CCSER1: variants seen among roughly 807,000 people sequenced by gnomAD.
The protein encoded by CCSER1 is coiled-coil serine rich protein 1.
In CCSER1, 41 loss-of-function variants were observed where a neutral mutation model predicts 82.0. The ratio of observed to expected loss-of-function variants is 0.50; its 90% CI spans 0.39 to 0.65. The LOEUF is 0.65. CCSER1 is among the 30% of genes least tolerant of loss of function. The pLI is 0.00. For missense variants in CCSER1, 1,119 were observed against 1,064.2 expected, an observed-to-expected ratio of 1.05 and a Z score of -0.72; for synonymous variants, 414 against 383.9, an observed-to-expected ratio of 1.08 and a Z score of -0.92.
intron 1 of CCSER1, among the ~76,000 whole-genome samples, chr4:90,296,052 G>A (rs1183708526): frequency 6.6e-6 from 1 of 151,906 alleles, no homozygotes; most frequent in African/African-American, 2.4e-5. Flanking sequence ...TTTAAGATGT[G>A]TGCTATCCTC....
intron 5 of CCSER1, among the ~76,000 whole-genome samples, chr4:90,578,305 A>G (rs1324497768): frequency 6.6e-6 from 1 of 152,160 alleles, no homozygotes; most frequent in Admixed American, 6.6e-5. Context: ...GAAGTCAGCA[A>G]GACCACTTTT....
chr4:90,156,725 G>C (rs532130366), intron 1 of CCSER1, among the ~76,000 whole-genome samples: 73 of 152,058 alleles, frequency 4.8e-4, no homozygotes, highest in Admixed American at 1.2e-3. Context: ...CCATTTGCTT[G>C]GTAGATCTTC....
At chr4:90,868,784 G>C (rs1310190323) in intron 8 of CCSER1, among the ~76,000 whole-genome samples, 1 of 152,096 alleles carries the variant, frequency 6.6e-6, no homozygotes. Flanking sequence ...CCTCCAAACT[G>C]TTCTTCAAAG....
chr4:91,166,116 A>T (rs979454925), intron 10 of CCSER1, among the ~76,000 whole-genome samples: 1 of 152,254 alleles, frequency 6.6e-6, no homozygotes, highest in African/African-American at 2.4e-5. Flanking sequence ...TTACAGTTTT[A>T]TGAGTTACAT....
chr4:90,664,361 A>C (rs551365557), intron 6 of CCSER1, among the ~76,000 whole-genome samples: 2 of 152,134 alleles, frequency 1.3e-5, no homozygotes, highest in Non-Finnish European at 2.9e-5. Context: ...TTAAATTTTA[A>C]TTTGTTAATG....
At chr4:91,029,654 C>T (rs1740799462) in intron 9 of CCSER1, among the ~76,000 whole-genome samples, 1 of 152,048 alleles carries the variant, frequency 6.6e-6, no homozygotes, top group Non-Finnish European at 1.5e-5. Flanking sequence ...TAGAACATCC[C>T]AGCCTGCTCC....
chr4:90,180,739 G>A (rs1578358659), intron 1 of CCSER1, among the ~76,000 whole-genome samples: 1 of 152,032 alleles, frequency 6.6e-6, no homozygotes, highest in Non-Finnish European at 1.5e-5. Flanking sequence ...TTATGAATAA[G>A]TATCACTCCT....
At chr4:91,573,096 T>C (rs991797024) in intron 10 of CCSER1, among the ~76,000 whole-genome samples, 6 of 152,158 alleles carry the variant, frequency 3.9e-5, no homozygotes, top group Non-Finnish European at 8.8e-5. Flanking sequence ...CCTCTTAAAG[T>C]GGCAGTCTGA....
chr4:91,066,138 C>T (rs935524829), intron 9 of CCSER1, among the ~76,000 whole-genome samples: 13 of 152,268 alleles, frequency 8.5e-5, no homozygotes, highest in Admixed American at 5.2e-4. Context: ...AAGTCAGACA[C>T]AGGGAGATTG....
intron 10 of CCSER1, among the ~76,000 whole-genome samples, chr4:91,305,693 C>T (rs549149371): frequency 2.5e-4 from 37 of 147,788 alleles, no homozygotes; most frequent in Non-Finnish European, 3.9e-4. Flanking sequence ...GTGTATTAGT[C>T]TGTTCTCATG....
intron 8 of CCSER1, among the ~76,000 whole-genome samples, chr4:90,920,523 T>A (rs1351436092): frequency 6.6e-6 from 1 of 151,952 alleles, no homozygotes; most frequent in Non-Finnish European, 1.5e-5. Context: ...ATTGCCTTCT[T>A]AGATTCCATA....
At chr4:91,255,402 T>A (rs1740609440) in intron 10 of CCSER1, among the ~76,000 whole-genome samples, 1 of 152,194 alleles carries the variant, frequency 6.6e-6, no homozygotes, top group Admixed American at 6.5e-5. Context: ...AATGTCACAG[T>A]TGATAGTGAG....
At chr4:91,133,503 G>A (rs188255853) in intron 10 of CCSER1, among the ~76,000 whole-genome samples, 63 of 152,270 alleles carry the variant, frequency 4.1e-4, no homozygotes, top group African/African-American at 1.4e-3. Flanking sequence ...AGTAGTGAAG[G>A]TAGATTGACG....
chr4:90,844,219 TAG>T (rs949557985), intron 8 of CCSER1, among the ~76,000 whole-genome samples: 5 of 151,412 alleles, frequency 3.3e-5, no homozygotes, highest in East Asian at 1.9e-4. Flanking sequence ...TATATATGTA[TAG>T]AGAGAGAGAG....
chr4:90,297,494 C>T (rs1450891261), intron 1 of CCSER1, among the ~76,000 whole-genome samples: 2 of 151,234 alleles, frequency 1.3e-5, no homozygotes, highest in Non-Finnish European at 1.5e-5. Context: ...TTTCCTTCTC[C>T]TGCCTGATTG....
chr4:91,506,825 C>G (rs919114151), intron 10 of CCSER1, among the ~76,000 whole-genome samples: 4 of 152,180 alleles, frequency 2.6e-5, no homozygotes, highest in East Asian at 3.9e-4. Context: ...TCTCCCAAAC[C>G]CTGGCGAATT....
chr4:90,914,715 G>A (rs1224833210), intron 8 of CCSER1, among the ~76,000 whole-genome samples: 76 of 128,608 alleles, frequency 5.9e-4, no homozygotes, highest in Middle Eastern at 4.2e-3. Flanking sequence ...GCTTTTTATT[G>A]AAAAAAAAAA....
At chr4:90,823,501 G>C (rs996091330) in intron 8 of CCSER1, among the ~76,000 whole-genome samples, 3 of 151,958 alleles carry the variant, frequency 2.0e-5, no homozygotes, top group Admixed American at 6.6e-5. Context: ...TTCAAATATA[G>C]ATTTCAAAAT....
At chr4:90,705,413 G>T (rs570321605) in intron 6 of CCSER1, among the ~76,000 whole-genome samples, 168 of 152,264 alleles carry the variant, frequency 1.1e-3, no homozygotes, top group African/African-American at 4.0e-3. Flanking sequence ...TAGGCTATTC[G>T]GGGGTCAGGG....
Sources: gnomAD v4.1 joint callset for allele counts (sites outside exome capture counted in the v4.1 genomes callset) on GRCh38, gnomAD v4.1.1 for gene constraint, MANE v1.5 for transcripts, NCBI Gene and HGNC (gene_info 2026-07-23, HGNC 2026-07-21) for gene names.